The following PCDHGC4 variants were observed in gnomAD, a reference collection of about 807,000 sequenced individuals.
The protein encoded by PCDHGC4 is protocadherin gamma-C4.
Under a neutral mutation model 59.7 loss-of-function variants are expected in PCDHGC4, and 15 were observed. That is an observed-to-expected ratio of 0.25 (90% confidence interval 0.17 to 0.39). The LOEUF (loss-of-function observed/expected upper bound fraction) is 0.39, where lower values mean the gene tolerates loss of function less well. PCDHGC4 is among the 10% of genes least tolerant of loss of function. The pLI is 1.00. For missense variants in PCDHGC4, 1,016 were observed against 1,189.5 expected, an observed-to-expected ratio of 0.85 and a Z score of 2.15; for synonymous variants, 434 against 481.4, an observed-to-expected ratio of 0.90 and a Z score of 1.29.
chr5:141,489,428 G>C lies in PCDHGC4; in HGVS notation c.2442+1813G>C, dbSNP rs561792279. The C allele has an allele frequency of 1.2e-6, 2 of 1,613,994 alleles. No individual in the cohort carries two copies. Among genetic ancestry groups the C allele is most frequent in the Non-Finnish European group, 1.7e-6 (2 of 1,180,038 alleles). On this transcript the variant is annotated intron_variant, in intron 1 of 3. Coordinates refer to ENST00000306593, the MANE Select transcript of PCDHGC4 (RefSeq NM_018928.3). This position sits in a 1 kb window ranked among gnomAD's most constrained non-coding sequence, Gnocchi z 4.5. The stretch of plus-strand genomic sequence containing the variant: ...AAGATGACAGATCTGTTGAGCCGGC[G>C]GCTGCAATTGGGCTCTGAGGAGAAT...
chr5:141,506,870 G>A (rs2099856877), intron 3 of PCDHGC4, among the ~76,000 whole-genome samples: 1 of 152,166 alleles, frequency 6.6e-6, no homozygotes, highest in East Asian at 1.9e-4. Flanking sequence ...GGTGGGTAGA[G>A]AACCAGGTGA....
At chr5:141,500,326 A>T (rs1041431019) in intron 2 of PCDHGC4, among the ~76,000 whole-genome samples, 7 of 152,022 alleles carry the variant, frequency 4.6e-5, no homozygotes, top group Non-Finnish European at 1.0e-4. Context: ...CTCCTGCCTC[A>T]GCCTCCAGAA....
At chr5:141,506,213 A>G (rs2154593866) in intron 3 of PCDHGC4, among the ~76,000 whole-genome samples, 1 of 152,204 alleles carries the variant, frequency 6.6e-6, no homozygotes, top group South Asian at 2.1e-4. Flanking sequence ...CACTTTGGGA[A>G]GCTGAGGCAG....
Position 141,511,225 on chromosome 5 carries a change from C to T in PCDHGC4, c.*52C>T, listed in dbSNP as rs2099883678. On this transcript the variant is annotated 3_prime_UTR_variant, in exon 4 of 4. Transcript: ENST00000306593. Reference sequence around the variant, plus strand: ...GGCGGCCTCTCCCCAACCAGCCCAGCTTCTCCTTACCTGCACCCAGGCCTC... The same window carrying T: ...GGCGGCCTCTCCCCAACCAGCCCAGTTTCTCCTTACCTGCACCCAGGCCTC... 1.9e-6 allele frequency: 3 copies of T among 1,601,506 alleles called. No individual in the cohort carries two copies. Among genetic ancestry groups the T allele is most frequent in the Non-Finnish European group, 2.6e-6 (3 of 1,174,170 alleles).
Position 141,489,429 on chromosome 5 carries a change from G to A in PCDHGC4, c.2442+1814G>A. 1 of 1,614,140 alleles carries A rather than the reference G, an allele frequency of 6.2e-7. No individual in the cohort carries two copies. Among genetic ancestry groups the A allele is most frequent in the Non-Finnish European group, 8.5e-7 (1 of 1,180,036 alleles). ...AGATGACAGATCTGTTGAGCCGGCG[G>A]CTGCAATTGGGCTCTGAGGAGAATG... On this transcript the variant is annotated intron_variant, in intron 1 of 3. Transcript: ENST00000306593. The surrounding 1 kb of genome is among the most constrained non-coding windows in gnomAD (Gnocchi z 4.5).
At position 141,493,512 on chromosome 5, in the gene PCDHGC4, C is replaced by A. The variant is rs1327850681; in HGVS notation, c.2443-1295C>A. The stretch of plus-strand genomic sequence containing the variant: ...CTGTGGCTCCTCATTTCTGAGCAGT[C>A]CCCGCAGCGCAAACTTGGCCAGTTA... On this transcript the variant is annotated intron_variant, in intron 1 of 3. Transcript: ENST00000306593. The surrounding 1 kb of genome is among the most constrained non-coding windows in gnomAD (Gnocchi z 4.3). Among the ~76,000 whole-genome samples the A allele has an allele frequency of 1.3e-5, 2 of 152,148 alleles. No individual in the cohort carries two copies. Among genetic ancestry groups the A allele is most frequent in the South Asian group, 4.1e-4 (2 of 4,824 alleles).
chr5:141,492,224 T>C (rs2099738444), intron 1 of PCDHGC4, among the ~76,000 whole-genome samples: 1 of 152,134 alleles, frequency 6.6e-6, no homozygotes, highest in South Asian at 2.1e-4. Flanking sequence ...CTCATGCGTG[T>C]CCTCCCTGCT....
chr5:141,492,146 C>T (rs979485619), intron 1 of PCDHGC4, among the ~76,000 whole-genome samples: 3 of 152,242 alleles, frequency 2.0e-5, no homozygotes, highest in African/African-American at 4.8e-5. Flanking sequence ...TGTGACTTCA[C>T]TGTTACCCTC....
Position 141,486,271 on chromosome 5 carries a change from C to G in PCDHGC4, c.1098C>G (p.Gly366=), listed in dbSNP as rs143039217. ...LGTLPESAEP[G]TVVALISVQD... ...CCCTCCCCGAGAGTGCAGAACCTGG[C>G]ACTGTGGTGGCACTTATCAGTGTGC... The change falls in exon 1 of 4, where the codon GGC becomes GGG. Residue 366 remains glycine, a synonymous_variant. Coordinates refer to ENST00000306593, the MANE Select transcript of PCDHGC4 (RefSeq NM_018928.3). The surrounding 1 kb of genome is among the most constrained non-coding windows in gnomAD (Gnocchi z 5.0). 6.2e-7 allele frequency: 1 copy of G among 1,613,968 alleles called. No homozygotes were observed. Among genetic ancestry groups the G allele is most frequent in the African/African-American group, 1.3e-5 (1 of 74,902 alleles).
At position 141,511,345 on chromosome 5, in the gene PCDHGC4, T is replaced by A; in HGVS notation, c.*172T>A. The A allele has an allele frequency of 7.8e-6, 11 of 1,410,508 alleles. No individual in the cohort carries two copies. The highest frequency in any genetic ancestry group is 1.0e-5 in the Non-Finnish European group (11 of 1,060,682). 87.4% of individuals were successfully genotyped at this position (1,410,508 alleles called of 1,614,324 possible). ...AAGTGCCCAGTCAGCACCTACCCCT[T>A]CCCCCCCAGGGGGTTGAATATGCAA... On this transcript the variant is annotated 3_prime_UTR_variant, in exon 4 of 4. Transcript: ENST00000306593.
rs766852982 is a variant in PCDHGC4, at chr5:141,486,907, A to G, written c.1734A>G (p.Gln578=). The part of the protein sequence containing the change: ...PRARPGSLCP[Q]ALPPSVGAGH... ...CCCGGCCTGGTTCCTTATGTCCCCA[A>G]GCACTGCCTCCATCAGTTGGTGCTG... Residue 578 remains glutamine (Q), a synonymous_variant, in exon 1 of 4, where the codon CAA becomes CAG. Coordinates refer to ENST00000306593, the MANE Select transcript of PCDHGC4 (RefSeq NM_018928.3). The surrounding 1 kb of genome is among the most constrained non-coding windows in gnomAD (Gnocchi z 5.0). 6.2e-5 allele frequency: 100 copies of G among 1,614,122 alleles called. No homozygotes were observed. The highest frequency in any genetic ancestry group is 8.0e-5 in the Non-Finnish European group (94 of 1,180,056).
At chr5:141,509,631 C>A (rs1250891268) in intron 3 of PCDHGC4, among the ~76,000 whole-genome samples, 1 of 152,200 alleles carries the variant, frequency 6.6e-6, no homozygotes, top group East Asian at 1.9e-4. Flanking sequence ...CTGGGTGATG[C>A]TGAGCCAGGG....
rs2099612668 is a variant in PCDHGC4, at chr5:141,485,382, TGA to T, written c.210_211del (p.Asn71ProfsTer57). The T allele has an allele frequency of 6.2e-7, 1 of 1,613,538 alleles. No homozygotes were observed. The highest frequency in any genetic ancestry group is 8.5e-7 in the Non-Finnish European group (1 of 1,179,906). On this transcript the variant is annotated frameshift_variant, in exon 1 of 4. Coordinates refer to ENST00000306593, the MANE Select transcript of PCDHGC4 (RefSeq NM_018928.3). LOFTEE classifies it high-confidence loss of function. The surrounding 1 kb of genome is among the most constrained non-coding windows in gnomAD (Gnocchi z 5.7). ...CGCAGGCTGCAGGTCGCTGGAGAGG[TGA>T]ACCAAAGACACTTCCGTGTGGATTT...
At chr5:141,497,143 GA>G (rs928640875) in intron 2 of PCDHGC4, among the ~76,000 whole-genome samples, 7 of 149,992 alleles carry the variant, frequency 4.7e-5, no homozygotes, top group African/African-American at 9.8e-5. Context: ...CTGAGATCAC[GA>G]AAAAAAAATA....
rs377248872 is a variant in PCDHGC4 at position 141,489,231 on chromosome 5, C to T, written c.2442+1616C>T. 2 of 1,528,166 alleles carry T rather than the reference C, an allele frequency of 1.3e-6. No homozygotes were observed. The highest frequency in any genetic ancestry group is 1.4e-5 in the African/African-American group (1 of 72,140). The allele number at this position is 1,528,166 out of a possible 1,614,324, so 94.7% of individuals were successfully genotyped here. A position where few individuals can be genotyped will look rare whatever the true frequency, so the allele number is the denominator to read the frequency against. On this transcript the variant is annotated intron_variant, in intron 1 of 3. Transcript: ENST00000306593. This position sits in a 1 kb window ranked among gnomAD's most constrained non-coding sequence, Gnocchi z 4.5. ...CACAGACTTACTCTCCACAAAGGGA[C>T]TTCTGGGTCATGGGGCCCAAGACAC...
rs2099661624 is a variant in PCDHGC4, at chr5:141,487,712, G to A, written c.2442+97G>A. The stretch of plus-strand genomic sequence containing the variant: ...AGAGAGTACTGGCCTCTCAGTAAGT[G>A]CCCATAGTGATGTCACCATTTTTGT... On this transcript the variant is annotated intron_variant, in intron 1 of 3. Coordinates refer to ENST00000306593, the MANE Select transcript of PCDHGC4 (RefSeq NM_018928.3). The surrounding 1 kb of genome is among the most constrained non-coding windows in gnomAD (Gnocchi z 5.0). The A allele has an allele frequency of 5.0e-6, 8 of 1,585,892 alleles. No individual in the cohort carries two copies. The highest frequency in any genetic ancestry group is 1.1e-5 in the South Asian group (1 of 87,950).
At chr5:141,510,321 CA>C (rs1376271166) in intron 3 of PCDHGC4, among the ~76,000 whole-genome samples, 1 of 150,840 alleles carries the variant, frequency 6.6e-6, no homozygotes, top group Non-Finnish European at 1.5e-5. Context: ...CTTGGAAGAG[CA>C]CTCTTCACCC....
At chr5:141,502,946 C>T (rs900624216) in intron 2 of PCDHGC4, among the ~76,000 whole-genome samples, 13 of 145,572 alleles carry the variant, frequency 8.9e-5, no homozygotes, top group African/African-American at 2.6e-4. Flanking sequence ...TGGGTTCAAG[C>T]GATTCTCCTG....
At position 141,490,132 on chromosome 5, in the gene PCDHGC4, A is replaced by C. The variant is rs1245562757; in HGVS notation, c.2442+2517A>C. On this transcript the variant is annotated intron_variant, in intron 1 of 3. Coordinates refer to ENST00000306593, the MANE Select transcript of PCDHGC4 (RefSeq NM_018928.3). This position sits in a 1 kb window ranked among gnomAD's most constrained non-coding sequence, Gnocchi z 5.4. ...GCGGAACCTCTTTGGCCTAGACCCT[A>C]GCAGTGGGGCAATCCATGTGTTGGG... 6.2e-7 allele frequency: 1 copy of C among 1,614,220 alleles called. No individual in the cohort carries two copies. Among genetic ancestry groups the C allele is most frequent in the South Asian group, 1.1e-5 (1 of 91,088 alleles).
Sources: allele counts gnomAD v4.1 joint callset (sites outside exome capture counted in the v4.1 genomes callset), GRCh38; gene constraint gnomAD v4.1.1; non-coding constraint Gnocchi (gnomAD v3.1); transcripts MANE v1.5; gene names NCBI Gene and HGNC (gene_info 2026-07-23, HGNC 2026-07-21).